The following LDLRAP1 variants were observed in gnomAD, a reference collection of about 807,000 sequenced individuals.
LDLRAP1 encodes low density lipoprotein receptor adapter protein 1.
A neutral mutation model predicts 37.8 loss-of-function variants in LDLRAP1; 30 were observed. The observed-to-expected ratio is 0.79, with a 90% confidence interval of 0.59 to 1.08. The LOEUF (loss-of-function observed/expected upper bound fraction) is 1.08, where lower values mean the gene tolerates loss of function less well. Ranked by LOEUF, LDLRAP1 falls within the 50% of genes least tolerant of loss-of-function variation. The probability of loss-of-function intolerance (pLI) is 0.00; values close to 1 mark genes in which losing one functional copy is unlikely to be tolerated. For synonymous variants in LDLRAP1, 156 were observed against 169.8 expected, an observed-to-expected ratio of 0.92 and a Z score of 0.63; for missense variants, 375 against 401.6, an observed-to-expected ratio of 0.93 and a Z score of 0.57.
chr1:25,559,369 C>A (rs569777929), intron 4 of LDLRAP1, among the ~76,000 whole-genome samples: 1 of 152,212 alleles, frequency 6.6e-6, no homozygotes, highest in East Asian at 1.9e-4. Flanking sequence ...ACAAGGGAGA[C>A]CTGGCCTGTG....
chr1:25,582,302 A>G, the LDLRAP1 span, among the ~76,000 whole-genome samples: 2 of 152,218 alleles, frequency 1.3e-5, no homozygotes, highest in African/African-American at 4.8e-5. Context: ...TTATGGTAGA[A>G]TGGTCTGGGC....
At chr1:25,556,300 CAAGT>C (rs746458859) in intron 3 of LDLRAP1, among the ~76,000 whole-genome samples, 11 of 152,128 alleles carry the variant, frequency 7.2e-5, no homozygotes, top group African/African-American at 1.2e-4. Flanking sequence ...AGGGACCAGA[CAAGT>C]GAGGGAGGGT....
At chr1:25,561,986 G>A (rs1280877981) in intron 4 of LDLRAP1, among the ~76,000 whole-genome samples, 1 of 152,134 alleles carries the variant, frequency 6.6e-6, no homozygotes, top group African/African-American at 2.4e-5. Context: ...GGGTGAGGGA[G>A]AGTTCCCCTG....
intron 4 of LDLRAP1, among the ~76,000 whole-genome samples, chr1:25,560,834 G>A (rs774247649): frequency 2.0e-5 from 3 of 152,202 alleles, no homozygotes; most frequent in Non-Finnish European, 2.9e-5. Flanking sequence ...TGGGCATCCC[G>A]CCTGGGCAGG....
In LDLRAP1 at chr1:25,563,718, C is replaced by T. The variant is rs752255281; in HGVS notation, c.674C>T (p.Thr225Met). 9 of 1,613,780 alleles carry T rather than the reference C, an allele frequency of 5.6e-6. No homozygotes were observed. Among genetic ancestry groups the T allele is most frequent in the South Asian group, 1.1e-5 (1 of 91,088 alleles). The change falls in exon 7 of 9, where the codon ACG becomes ATG. Residue 225 changes from threonine (T) to methionine (M), a missense_variant. Transcript: ENST00000374338. ...GAGACAGCTAAGGCCCCGCTGTCCA[C>T]GGTCAGCGCCAACACCACCAACATG... ...LEETAKAPLS[T>M]VSANTTNMDE...
chr1:25,566,916 C>G lies in LDLRAP1; in HGVS notation c.851C>G (p.Ala284Gly), dbSNP rs2044498485. 1 of 1,613,428 alleles carries G rather than the reference C, an allele frequency of 6.2e-7. No individual in the cohort carries two copies. The highest frequency in any genetic ancestry group is 1.1e-5 in the South Asian group (1 of 91,022). ...TGLTAQDMHY[A>G]QCLSPVDWDK... ...CTGACAGCCCAGGACATGCATTACG[C>G]CCAGTGCCTCTCGCCTGTCGACTGG... The change falls in exon 9 of 9, where the codon GCC (alanine) becomes GGC (glycine). Residue 284 changes from alanine to glycine, a missense_variant. Ala to Gly is a moderately conservative substitution (Grantham distance 60, BLOSUM62 0). Transcript: ENST00000374338.
chr1:25,584,697 C>A, the LDLRAP1 span, among the ~76,000 whole-genome samples: 7 of 152,164 alleles, frequency 4.6e-5, no homozygotes, highest in Non-Finnish European at 8.8e-5. Flanking sequence ...TCCCTTCCCC[C>A]ACGTAAATCT....
At chr1:25,548,162 G>C (rs2043982031) in intron 1 of LDLRAP1, among the ~76,000 whole-genome samples, 1 of 152,028 alleles carries the variant, frequency 6.6e-6, no homozygotes, top group African/African-American at 2.4e-5. Context: ...GATCTATCCT[G>C]GACTCTTCTC....
chr1:25,576,601 G>A, the LDLRAP1 span, among the ~76,000 whole-genome samples: 2 of 152,204 alleles, frequency 1.3e-5, no homozygotes, highest in African/African-American at 2.4e-5. Context: ...AAAGCAGAGC[G>A]CCTGGCTTTG....
chr1:25,563,486 TCTCA>T (rs1316336744), intron 6 of LDLRAP1, 171 bp from the exon 7 acceptor site: 11 of 822,814 alleles, frequency 1.3e-5, no homozygotes, highest in South Asian at 1.2e-4. Context: ...TTAGTCAGGT[TCTCA>T]CTCTGTGGGC....
chr1:25,560,295 A>G (rs573363973), intron 4 of LDLRAP1, among the ~76,000 whole-genome samples: 1 of 151,746 alleles, frequency 6.6e-6, no homozygotes, highest in South Asian at 2.1e-4. Context: ...CCACATCCCT[A>G]CTCTTCCTGG....
downstream of LDLRAP1, among the ~76,000 whole-genome samples, chr1:25,570,532 G>A (rs2044590052): frequency 6.6e-6 from 1 of 152,110 alleles, no homozygotes; most frequent in Non-Finnish European, 1.5e-5. Context: ...GCCATTCCCA[G>A]GTGCTCATCA....
intron 7 of LDLRAP1, chr1:25,564,827 C>G (rs112888874): frequency 2.5e-5 from 8 of 321,012 alleles, no homozygotes; most frequent in African/African-American, 1.7e-4. Flanking sequence ...TCATCAGGTC[C>G]AATGCCCTCC....
At chr1:25,558,265 C>T (rs929028896) in intron 4 of LDLRAP1, among the ~76,000 whole-genome samples, 2 of 152,168 alleles carry the variant, frequency 1.3e-5, no homozygotes. Context: ...GTCCCCATGC[C>T]CTATAGCCCT....
intron 7 of LDLRAP1, 98 bp downstream of exon 7, chr1:25,563,889 G>C (rs987214975): frequency 1.3e-6 from 2 of 1,540,556 alleles, no homozygotes; most frequent in African/African-American, 2.7e-5. Flanking sequence ...CCCGTGACTT[G>C]TGGGCCTCTG....
downstream of LDLRAP1, among the ~76,000 whole-genome samples, chr1:25,569,845 G>A (rs930264826): frequency 6.6e-6 from 1 of 152,290 alleles, no homozygotes; most frequent in East Asian, 1.9e-4. Context: ...CAAGTGCTGG[G>A]CGGGGCCACA....
chr1:25,570,703 C>CA (rs1425893494), downstream of LDLRAP1, among the ~76,000 whole-genome samples: 11 of 151,852 alleles, frequency 7.2e-5, no homozygotes, highest in Non-Finnish European at 1.5e-4. Context: ...ACTAAAAATA[C>CA]AAAAAATTAG....
At chr1:25,569,303 C>G (rs368100505), downstream of LDLRAP1, among the ~76,000 whole-genome samples, 1 of 152,182 alleles carries the variant, frequency 6.6e-6, no homozygotes, top group African/African-American at 2.4e-5. Context: ...CACAGACTTG[C>G]TCCGGGCTGA....
the LDLRAP1 span, among the ~76,000 whole-genome samples, chr1:25,579,492 A>T: frequency 6.6e-6 from 1 of 152,192 alleles, no homozygotes; most frequent in South Asian, 2.1e-4. Context: ...CAGATTTTAC[A>T]TTTGGTTTTT....
Sources: gnomAD v4.1 joint callset for allele counts (sites outside exome capture counted in the v4.1 genomes callset) on GRCh38, gnomAD v4.1.1 for gene constraint, MANE v1.5 for transcripts, NCBI Gene and HGNC (gene_info 2026-07-23, HGNC 2026-07-21) for gene names.